Variants in SOX6 observed in about 807,000 individuals in gnomAD.
SOX6 encodes the protein transcription factor SOX-6.
In SOX6, 11 loss-of-function variants were observed where a neutral mutation model predicts 97.8. The ratio of observed to expected loss-of-function variants is 0.11; its 90% confidence interval spans 0.07 to 0.19. The LOEUF (loss-of-function observed/expected upper bound fraction) is 0.19, where lower values mean the gene tolerates loss of function less well. SOX6 is among the 10% of genes least tolerant of loss of function. SOX6 has a pLI of 1.00. For missense variants in SOX6, 810 were observed against 1,039.5 expected, an observed-to-expected ratio of 0.78 and a Z score of 3.04; for synonymous variants, 360 against 371.4, an observed-to-expected ratio of 0.97 and a Z score of 0.35.
intron 6 of SOX6, among the ~76,000 whole-genome samples, chr11:16,113,147 G>C (rs1358585454): frequency 2.0e-5 from 3 of 152,050 alleles, no homozygotes; most frequent in Non-Finnish European, 2.9e-5. Context: ...CATAGCCAGG[G>C]ACACAGTGCA....
intron 4 of SOX6, among the ~76,000 whole-genome samples, chr11:16,509,270 A>C (rs570060731): frequency 4.6e-5 from 7 of 152,098 alleles, no homozygotes; most frequent in Non-Finnish European, 8.8e-5. Flanking sequence ...ACAGATCTTG[A>C]CACATATTAT....
intron 1 of SOX6, among the ~76,000 whole-genome samples, chr11:16,425,780 G>A (rs1445954268): frequency 6.6e-6 from 1 of 152,062 alleles, no homozygotes; most frequent in Non-Finnish European, 1.5e-5. Flanking sequence ...TCTCTACAAG[G>A]AGAACTACAA....
In SOX6 at chr11:16,580,831, C is replaced by A. The variant is rs185822121; in HGVS notation, n.609+31250G>T. Reference sequence around the variant, plus strand: ...CAAAAGAAGACATTTATGTGGCCAACAACATATGAAAAAAAGCTCAACGTC... The same window carrying A: ...CAAAAGAAGACATTTATGTGGCCAAAAACATATGAAAAAAAGCTCAACGTC... On this transcript the variant is annotated intron_variant and non_coding_transcript_variant, in intron 4 of 5. Coordinates refer to the SOX6 transcript ENST00000524520. Among the ~76,000 whole-genome samples the A allele has an allele frequency of 3.9e-3, 596 of 152,052 alleles. 3 individuals are homozygous for A. The highest frequency in any genetic ancestry group is 0.014 in the African/African-American group (576 of 41,494).
intron 3 of SOX6, among the ~76,000 whole-genome samples, chr11:16,691,006 G>A (rs1014273414): frequency 2.0e-5 from 3 of 152,222 alleles, no homozygotes; most frequent in Admixed American, 6.5e-5. Context: ...AACGTCTACA[G>A]GATAGGGGAA....
intron 1 of SOX6, among the ~76,000 whole-genome samples, chr11:16,342,328 G>C (rs1024998234): frequency 1.3e-5 from 2 of 151,838 alleles, no homozygotes; most frequent in African/African-American, 2.4e-5. Context: ...ACTTTACATT[G>C]TTTTTAGTTT....
At chr11:15,989,350 A>G (rs1038568692) in intron 13 of SOX6, 120 bp from the exon 14 acceptor site, 5 of 736,014 alleles carry the variant, frequency 6.8e-6, no homozygotes, top group Admixed American at 3.0e-5. Flanking sequence ...TTTCTAAGTG[A>G]CTTCTTGGAA....
intron 5 of SOX6, among the ~76,000 whole-genome samples, chr11:16,184,344 C>A (rs1050442365): frequency 1.3e-5 from 2 of 151,968 alleles, no homozygotes; most frequent in Non-Finnish European, 1.5e-5. Context: ...GAAAAATCTT[C>A]GTATTATTGC....
chr11:16,041,611 T>C (rs1855668523), intron 12 of SOX6, among the ~76,000 whole-genome samples: 1 of 152,140 alleles, frequency 6.6e-6, no homozygotes, highest in Non-Finnish European at 1.5e-5. Flanking sequence ...TAAATAGCTA[T>C]CAAGAATCAG....
At chr11:16,465,441 T>C (rs911243601) in intron 1 of SOX6, among the ~76,000 whole-genome samples, 2 of 151,876 alleles carry the variant, frequency 1.3e-5, no homozygotes, top group African/African-American at 4.8e-5. Context: ...ATGATTCTAC[T>C]ATATATATAT....
intron 4 of SOX6, among the ~76,000 whole-genome samples, chr11:16,496,634 TC>T (rs1229129732): frequency 6.6e-6 from 1 of 152,172 alleles, no homozygotes; most frequent in Non-Finnish European, 1.5e-5. Context: ...ACTGCACTTT[TC>T]CAATGGTCTT....
intron 4 of SOX6, among the ~76,000 whole-genome samples, chr11:16,207,580 C>T (rs1272970782): frequency 1.4e-5 from 2 of 142,420 alleles, no homozygotes; most frequent in East Asian, 2.0e-4. Flanking sequence ...GGCGACAGAG[C>T]GAGACTCCAT....
intron 4 of SOX6, among the ~76,000 whole-genome samples, chr11:16,569,868 CA>C (rs34604334): frequency 0.25 from 21,498 of 84,716 alleles, 2,671 homozygotes; most frequent in East Asian, 0.51. Flanking sequence ...GACTCCGTCT[CA>C]AAAAAAAAAA....
At chr11:16,683,614 C>T (rs977406214) in intron 3 of SOX6, among the ~76,000 whole-genome samples, 1 of 152,110 alleles carries the variant, frequency 6.6e-6, no homozygotes, top group African/African-American at 2.4e-5. Flanking sequence ...AAATGTTAGA[C>T]CTAAAACCAT....
rs931121460 is a variant in SOX6 at position 16,096,120 on chromosome 11, T to C, written c.979-2A>G. On this transcript the variant is annotated splice_acceptor_variant, in intron 8 of 15. Transcript: ENST00000683767. LOFTEE classifies it high-confidence loss of function. ...TTGTGGGTGGGAGACATGACCCTTC[T>C]GTTTAGTAGCATATTCAGAAAAAAA... The C allele has an allele frequency of 2.5e-6, 4 of 1,610,294 alleles. No individual in the cohort carries two copies. The highest frequency in any genetic ancestry group is 3.4e-6 in the Non-Finnish European group (4 of 1,178,118).
chr11:16,139,810 A>G (rs950023763), intron 6 of SOX6, among the ~76,000 whole-genome samples: 3 of 151,884 alleles, frequency 2.0e-5, no homozygotes, highest in Non-Finnish European at 4.4e-5. Flanking sequence ...TTCTCTCTAT[A>G]TAGATATGGA....
intron 1 of SOX6, among the ~76,000 whole-genome samples, chr11:16,472,011 G>A (rs542459192): frequency 3.3e-5 from 5 of 152,260 alleles, no homozygotes; most frequent in South Asian, 2.1e-4. Context: ...ATACAGAAAC[G>A]ACATCAACAG....
At chr11:16,229,541 T>C (rs910221360) in intron 4 of SOX6, among the ~76,000 whole-genome samples, 3 of 151,630 alleles carry the variant, frequency 2.0e-5, no homozygotes, top group Admixed American at 1.3e-4. Flanking sequence ...GCAAGTAAAA[T>C]TGAAGAACAA....
chr11:16,037,484 C>T (rs114525887), intron 12 of SOX6, among the ~76,000 whole-genome samples: 1 of 152,160 alleles, frequency 6.6e-6, no homozygotes, highest in African/African-American at 2.4e-5. Flanking sequence ...AAATGGAGTT[C>T]CACCTACAGA....
chr11:16,657,495 T>G (rs1490026770), intron 3 of SOX6, among the ~76,000 whole-genome samples: 1 of 152,220 alleles, frequency 6.6e-6, no homozygotes, highest in Non-Finnish European at 1.5e-5. Context: ...TGTAAGAGTA[T>G]GTTTAGTTTT....
Sources: allele counts gnomAD v4.1 joint callset (sites outside exome capture counted in the v4.1 genomes callset), GRCh38; gene constraint gnomAD v4.1.1; transcripts MANE v1.5; gene names NCBI Gene and HGNC (gene_info 2026-07-23, HGNC 2026-07-21).